The following COL11A1 variants were observed in gnomAD, a reference collection of about 807,000 sequenced individuals.
COL11A1 encodes collagen alpha-1(XI) chain.
In COL11A1, 74 loss-of-function variants were observed where a neutral mutation model predicts 265.2. The ratio of observed to expected loss-of-function variants is 0.28; its 90% CI spans 0.23 to 0.34. The LOEUF (loss-of-function observed/expected upper bound fraction) is 0.34. Ranked by LOEUF, COL11A1 falls within the 10% of genes least tolerant of loss-of-function variation. The pLI is 1.00. For synonymous variants in COL11A1, 816 were observed against 727.6 expected, an observed-to-expected ratio of 1.12 and a Z score of -1.96; for missense variants, 2,165 against 2,263.6, an observed-to-expected ratio of 0.96 and a Z score of 0.88.
intron 4 of COL11A1, among the ~76,000 whole-genome samples, chr1:103,049,968 A>T (rs967483579): frequency 6.6e-6 from 1 of 152,174 alleles, no homozygotes; most frequent in Non-Finnish European, 1.5e-5. Flanking sequence ...CCGAGAGATC[A>T]GCTGTTAATC....
chr1:103,032,999 G>T (rs1360427062), intron 4 of COL11A1, among the ~76,000 whole-genome samples: 1 of 151,990 alleles, frequency 6.6e-6, no homozygotes, highest in Non-Finnish European at 1.5e-5. Context: ...ACACCTAAAA[G>T]TTACCCTGCA....
At chr1:103,093,096 T>A (rs2102378373) in intron 1 of COL11A1, among the ~76,000 whole-genome samples, 1 of 152,254 alleles carries the variant, frequency 6.6e-6, no homozygotes, top group African/African-American at 2.4e-5. Context: ...TTTTAAAATC[T>A]TATATTGAAA....
chr1:102,920,602 T>A (rs1557822298), intron 48 of COL11A1, among the ~76,000 whole-genome samples: 1 of 152,174 alleles, frequency 6.6e-6, no homozygotes, highest in Non-Finnish European at 1.5e-5. Context: ...CAGGAGACTT[T>A]CAAACTCTGG....
rs114388214 is a variant in COL11A1 at position 103,026,116 on chromosome 1, A to C, written c.897+100T>G. 469 of 1,194,448 alleles carry C rather than the reference A, an allele frequency of 3.9e-4. 1 individual carries two copies. In the African/African-American group the frequency reaches 6.0e-3, roughly 15 times the overall value. 74.0% of individuals were successfully genotyped at this position (1,194,448 alleles called of 1,614,324 possible). ...GTTATTGGTTCAGAGAAATAAGATG[A>C]ATGAAAGGTTTATGGTAAGTTTGAG... On this transcript the variant is annotated intron_variant, in intron 6 of 66. Transcript: ENST00000370096.
chr1:102,943,997 CA>C (rs1228165645), intron 42 of COL11A1, among the ~76,000 whole-genome samples: 1 of 152,008 alleles, frequency 6.6e-6, no homozygotes, highest in Non-Finnish European at 1.5e-5. Context: ...ACCTGCTTTC[CA>C]GACTCACCTC....
At chr1:102,890,597 GA>G (rs768328661) in intron 57 of COL11A1, 93 bp from the exon 58 acceptor site, 100 of 1,028,412 alleles carry the variant, frequency 9.7e-5, no homozygotes, top group Non-Finnish European at 1.4e-4. Flanking sequence ...GTTTAGTTTT[GA>G]AAATACGGAG....
chr1:102,999,663 T>A (rs1448951574), intron 24 of COL11A1, among the ~76,000 whole-genome samples: 1 of 151,858 alleles, frequency 6.6e-6, no homozygotes, highest in Non-Finnish European at 1.5e-5. Flanking sequence ...AAGCACAGGC[T>A]ATGATAAGTT....
At position 102,961,868 on chromosome 1, in the gene COL11A1, C is replaced by A; in HGVS notation, c.3166G>T (p.Val1056Phe). 1 of 1,613,152 alleles carries A rather than the reference C, an allele frequency of 6.2e-7. No individual in the cohort carries two copies. The highest frequency in any genetic ancestry group is 8.5e-7 in the Non-Finnish European group (1 of 1,179,482). ...GEGPQGPPGP[V>F]GSPGERGSAG... is the part of the protein sequence containing the mutation. ...CTATTTATTATCATCATACTTACAA[C>A]TGGACCTGGTGGGCCCTGGGGACCT... Residue 1056 changes from valine (V) to phenylalanine (F), a missense_variant and splice_region_variant, in exon 41 of 67, where the codon GTT becomes TTT. By Grantham distance (50) the Val-to-Phe change is conservative. Coordinates refer to ENST00000370096, the MANE Select transcript of COL11A1 (RefSeq NM_001854.4).
intron 54 of COL11A1, among the ~76,000 whole-genome samples, chr1:102,901,235 G>A (rs1236555011): frequency 2.6e-5 from 4 of 151,432 alleles, no homozygotes; most frequent in Non-Finnish European, 4.4e-5. Flanking sequence ...CAGGAGAATC[G>A]CTTGAACCCG....
chr1:102,906,433 G>T (rs1557801790), intron 54 of COL11A1, among the ~76,000 whole-genome samples: 1 of 151,992 alleles, frequency 6.6e-6, no homozygotes, highest in Non-Finnish European at 1.5e-5. Context: ...CTTGAGAGAG[G>T]GTCTCCCTCT....
intron 65 of COL11A1, 33 bp downstream of exon 65, chr1:102,881,664 G>GA (rs1490334684): frequency 6.5e-7 from 1 of 1,543,306 alleles, no homozygotes; most frequent in Non-Finnish European, 9.0e-7. Context: ...TTGAGTTCGT[G>GA]AAAAATCGTT....
chr1:102,892,241 CTA>C (rs1445715336), intron 57 of COL11A1, among the ~76,000 whole-genome samples: 2 of 152,108 alleles, frequency 1.3e-5, no homozygotes, highest in Admixed American at 1.3e-4. Flanking sequence ...CATCATGGCT[CTA>C]TGACAGCAAA....
At chr1:102,906,737 T>C (rs1654032547) in intron 54 of COL11A1, among the ~76,000 whole-genome samples, 1 of 152,074 alleles carries the variant, frequency 6.6e-6, no homozygotes, top group South Asian at 2.1e-4. Flanking sequence ...TTTTTCTTTT[T>C]TCAAGCTAAG....
chr1:102,983,294 G>A (rs1195019997), intron 31 of COL11A1, among the ~76,000 whole-genome samples: 1 of 151,962 alleles, frequency 6.6e-6, no homozygotes, highest in Non-Finnish European at 1.5e-5. Context: ...GAATTGAATG[G>A]TGGCTCCTGA....
At chr1:103,038,985 A>G (rs1668600299) in intron 4 of COL11A1, among the ~76,000 whole-genome samples, 1 of 152,206 alleles carries the variant, frequency 6.6e-6, no homozygotes, top group South Asian at 2.1e-4. Context: ...CAGTTTCTCA[A>G]GTAAGCAATG....
intron 36 of COL11A1, among the ~76,000 whole-genome samples, chr1:102,973,128 G>T (rs1662129498): frequency 6.6e-6 from 1 of 152,020 alleles, no homozygotes; most frequent in Admixed American, 6.6e-5. Flanking sequence ...GTCCCAAACT[G>T]CATAAAACTG....
intron 8 of COL11A1, 55 bp downstream of exon 8, chr1:103,022,687 T>C: frequency 6.2e-7 from 1 of 1,607,952 alleles, no homozygotes; most frequent in Non-Finnish European, 8.5e-7. Flanking sequence ...GACATGGACA[T>C]AAAAATATCC....
rs190316112 is a variant in COL11A1, at chr1:102,890,272, T to C, written c.4356+179A>G. Among the ~76,000 whole-genome samples, 406 of 152,254 alleles carry C rather than the reference T, an allele frequency of 2.7e-3. 1 individual carries two copies. The Middle Eastern group carries it at 0.027, about 10-fold the overall frequency. On this transcript the variant is annotated intron_variant, in intron 58 of 66. Transcript: ENST00000370096. ...CACTGAATTCCAGCACATTTTTCAC[T>C]ATTTGCATATTTTCTCCCCTCTACA... is the stretch of plus-strand genomic sequence containing the variant.
intron 54 of COL11A1, among the ~76,000 whole-genome samples, chr1:102,907,273 TAA>T (rs1005973064): frequency 2.0e-4 from 30 of 152,162 alleles, no homozygotes; most frequent in Middle Eastern, 3.4e-3. Context: ...AATTGTAATT[TAA>T]AAAGAGAGGA....
Sources: gnomAD v4.1 joint callset for allele counts (sites outside exome capture counted in the v4.1 genomes callset) on GRCh38, gnomAD v4.1.1 for gene constraint, MANE v1.5 for transcripts, NCBI Gene and HGNC (gene_info 2026-07-23, HGNC 2026-07-21) for gene names.